CXCL3: variants seen among roughly 807,000 people sequenced by gnomAD.
CXCL3 encodes the protein C-X-C motif chemokine ligand 3, also known as C-X-C motif chemokine 3.
A neutral mutation model predicts 11.5 loss-of-function variants in CXCL3; 10 were observed. The observed-to-expected ratio is 0.87, with a 90% CI of 0.54 to 1.48. CXCL3 has a LOEUF of 1.48. Ranked by LOEUF, CXCL3 falls within the 40% of genes most tolerant of loss-of-function variation. The probability of loss-of-function intolerance (pLI) is 0.00; values close to 1 mark genes in which losing one functional copy is unlikely to be tolerated. For missense variants in CXCL3, 149 were observed against 139.1 expected (o/e 1.07, Z -0.36); for synonymous variants, 61 against 60.9 (o/e 1.00, Z -0.01).
chr4:74,038,242 G>C, intron 2 of CXCL3, 48 bp downstream of exon 2: 1 of 1,613,846 alleles, frequency 6.2e-7, no homozygotes, highest in Non-Finnish European at 8.5e-7. Context: ...GGCAGCGGGA[G>C]AGTCGGGGAC....
Position 74,037,156 on chromosome 4 carries a change from C to T in CXCL3, c.*106G>A. The T allele has an allele frequency of 8.0e-7, 1 of 1,243,838 alleles. No homozygotes were observed. Among genetic ancestry groups the T allele is most frequent in the Non-Finnish European group, 1.2e-6 (1 of 858,436 alleles). The allele number at this position is 1,243,838 out of a possible 1,614,324, so 77.1% of individuals were successfully genotyped here. ...ACACATTAAGTCCTTTCCAGCTGTC[C>T]CTAGAAAGCTGCTGTTCTCTTTTTC... is the stretch of plus-strand genomic sequence containing the variant. On this transcript the variant is annotated 3_prime_UTR_variant, in exon 4 of 4. Transcript: ENST00000296026.
intron 3 of CXCL3, 152 bp downstream of exon 3, chr4:74,037,941 C>A: frequency 1.2e-6 from 1 of 831,768 alleles, no homozygotes; most frequent in Non-Finnish European, 1.9e-6. Context: ...GATTAATAAC[C>A]TTAATGGCAA....
chr4:74,038,280 C>G lies in CXCL3; in HGVS notation c.224+10G>C, dbSNP rs561019043. Reference sequence around the variant, plus strand: ...CAGCGGTGGCAGCGGAAGCGCGGGGCGGGACTTACATGACTTCGGTTTGGG... The same window carrying G: ...CAGCGGTGGCAGCGGAAGCGCGGGGGGGGACTTACATGACTTCGGTTTGGG... On this transcript the variant is annotated intron_variant, in intron 2 of 3. Coordinates refer to ENST00000296026, the MANE Select transcript of CXCL3 (RefSeq NM_002090.3). 5 of 1,613,834 alleles carry G rather than the reference C, an allele frequency of 3.1e-6. No individual in the cohort carries two copies. The highest frequency in any genetic ancestry group is 4.2e-6 in the Non-Finnish European group (5 of 1,179,858).
At chr4:74,037,448 C>CTT (rs3048371) in intron 3 of CXCL3, 171 bp from the exon 4 acceptor site, 203,832 of 313,056 alleles carry the variant, frequency 0.65, 56,707 homozygotes, top group African/African-American at 0.78. Context: ...CTCCTGAATG[C>CTT]TTTTTTTTTT....
chr4:74,037,956 A>T, intron 3 of CXCL3, 137 bp downstream of exon 3: 1 of 930,254 alleles, frequency 1.1e-6, no homozygotes, highest in Non-Finnish European at 1.7e-6. Flanking sequence ...TGGCAACTTT[A>T]ATTGTGAAAA....
intron 2 of CXCL3, 44 bp from the exon 3 acceptor site, chr4:74,038,220 G>A (rs1254696910): frequency 6.2e-7 from 1 of 1,614,088 alleles, no homozygotes; most frequent in South Asian, 1.1e-5. Flanking sequence ...GTCGGGCTGG[G>A]GACAGGGTTG....
In CXCL3 at chr4:74,038,088, C is replaced by T. The variant is rs1198477023; in HGVS notation, c.308+5G>A. ...TCGCCTGTGTATATGGAAATTACAA[C>T]TCACTTGTTCAGTATCTTTTCGATG... is the stretch of plus-strand genomic sequence containing the variant. On this transcript the variant is annotated splice_donor_5th_base_variant and intron_variant, in intron 3 of 3. Coordinates refer to ENST00000296026, the MANE Select transcript of CXCL3 (RefSeq NM_002090.3). 1 of 1,613,978 alleles carries T rather than the reference C, an allele frequency of 6.2e-7. No individual in the cohort carries two copies. Among genetic ancestry groups the T allele is most frequent in the Admixed American group, 1.7e-5 (1 of 59,984 alleles).
rs773884964 is a variant in CXCL3, at chr4:74,038,313, G to A, written c.201C>T (p.Pro67=). 4 of 1,613,976 alleles carry A rather than the reference G, an allele frequency of 2.5e-6. No individual in the cohort carries two copies. In the African/African-American group the frequency reaches 5.3e-5, roughly 22 times the overall value. The change falls in exon 2 of 4, where the codon CCC becomes CCT. Residue 67 remains proline, a synonymous_variant. Coordinates refer to ENST00000296026, the MANE Select transcript of CXCL3 (RefSeq NM_002090.3). ...ACATGACTTCGGTTTGGGCGCAGTG[G>A]GGTCCGGGGGACCTTACATTCACAC... ...IQSVNVRSPG[P]HCAQTEVIAT...
At chr4:74,037,874 G>A (rs1326702138) in intron 3 of CXCL3, 15 of 549,942 alleles carry the variant, frequency 2.7e-5, no homozygotes, top group Non-Finnish European at 1.3e-5. Context: ...CCTCCCAGGG[G>A]TTAGGCCTGG....
chr4:74,038,591 G>A lies in CXCL3; in HGVS notation c.21C>T (p.Ser7=), dbSNP rs1351197426. The A allele has an allele frequency of 6.1e-6, 9 of 1,484,430 alleles. No individual in the cohort carries two copies. The highest frequency in any genetic ancestry group is 2.4e-5 in the Admixed American group (1 of 42,042). The allele number at this position is 1,484,430 out of a possible 1,614,324, so 92.0% of individuals were successfully genotyped here. A position where few individuals can be genotyped will look rare whatever the true frequency, so the allele number is the denominator to read the frequency against. ...GGAGCCGGGGATTGCTGGGGGCGGC[G>A]GAGAGCGTGGCGTGGGCCATGGGGC... MAHATL[S]AAPSNPRLLR... The change falls in exon 1 of 4, where the codon TCC becomes TCT. Residue 7 remains serine (S), a synonymous_variant. Transcript: ENST00000296026.
chr4:74,037,925 A>C (rs948257279), intron 3 of CXCL3, 168 bp downstream of exon 3: 3 of 703,588 alleles, frequency 4.3e-6, no homozygotes, highest in Non-Finnish European at 7.1e-6. Context: ...CTCTGGCACC[A>C]GAGCAGATTA....
At chr4:74,037,584 C>G in intron 3 of CXCL3, 1 of 388,662 alleles carries the variant, frequency 2.6e-6, no homozygotes, top group Non-Finnish European at 4.6e-6. Flanking sequence ...AAGCTGCACA[C>G]AACCCTATGA....
chr4:74,037,463 T>TTTTC (rs1553926134), intron 3 of CXCL3, 186 bp from the exon 4 acceptor site: 2 of 614,596 alleles, frequency 3.3e-6, no homozygotes, highest in Non-Finnish European at 5.6e-6. Flanking sequence ...TTTTTTTTTT[T>TTTTC]CAAGAAAGAA....
intron 3 of CXCL3, 114 bp from the exon 4 acceptor site, chr4:74,037,391 G>A (rs1016899888): frequency 1.6e-6 from 2 of 1,277,132 alleles, no homozygotes; most frequent in Admixed American, 1.7e-5. Flanking sequence ...CCTCCACTCA[G>A]GGAAGGTCTG....
At position 74,037,631 on chromosome 4, in the gene CXCL3, C is replaced by T. The variant is rs573170028; in HGVS notation, c.309-354G>A. ...TTATCTACCCTATTTTGCTAAAGCTCAAAGAGATTAAATAACGTTGACAGG... is the reference window on the plus strand; with the variant it reads ...TTATCTACCCTATTTTGCTAAAGCTTAAAGAGATTAAATAACGTTGACAGG... On this transcript the variant is annotated intron_variant, in intron 3 of 3. Transcript: ENST00000296026. The T allele has an allele frequency of 2.6e-4, 82 of 319,928 alleles. 1 individual carries two copies. Among genetic ancestry groups the T allele is most frequent in the Middle Eastern group, 2.0e-3 (2 of 1,012 alleles). The allele number at this position is 319,928 out of a possible 1,614,324, so 19.8% of individuals were successfully genotyped here.
Position 74,038,284 on chromosome 4 carries a change from A to C in CXCL3, c.224+6T>G. The C allele has an allele frequency of 1.2e-6, 2 of 1,613,904 alleles. No individual in the cohort carries two copies. On this transcript the variant is annotated splice_donor_region_variant and intron_variant, in intron 2 of 3. Coordinates refer to ENST00000296026, the MANE Select transcript of CXCL3 (RefSeq NM_002090.3). ...GGTGGCAGCGGAAGCGCGGGGCGGG[A>C]CTTACATGACTTCGGTTTGGGCGCA...
chr4:74,038,333 T>A lies in CXCL3; in HGVS notation c.181A>T (p.Asn61Tyr). 1 of 1,614,140 alleles carries A rather than the reference T, an allele frequency of 6.2e-7. No individual in the cohort carries two copies. Among genetic ancestry groups the A allele is most frequent in the Non-Finnish European group, 8.5e-7 (1 of 1,180,008 alleles). The change falls in exon 2 of 4, where the codon AAT (asparagine) becomes TAT (tyrosine). Residue 61 changes from asparagine to tyrosine, a missense_variant. Transcript: ENST00000296026. ...CAGTGGGGTCCGGGGGACCTTACAT[T>A]CACACTTTGGATGTTCTTGAGGTGA... ...GIHLKNIQSVNVRSPGPHCAQ... is the reference protein window; with the variant it reads ...GIHLKNIQSVYVRSPGPHCAQ...
intron 3 of CXCL3, 71 bp from the exon 4 acceptor site, chr4:74,037,348 G>A: frequency 6.3e-7 from 1 of 1,591,298 alleles, no homozygotes; most frequent in Non-Finnish European, 8.6e-7. Context: ...GAAGTTGCTT[G>A]GAGGGATGTC....
intron 2 of CXCL3, 45 bp from the exon 3 acceptor site, chr4:74,038,221 G>A (rs1246579318): frequency 6.2e-7 from 1 of 1,613,964 alleles, no homozygotes; most frequent in African/African-American, 1.3e-5. Flanking sequence ...TCGGGCTGGG[G>A]ACAGGGTTGG....
Sources: allele counts gnomAD v4.1 joint callset, GRCh38; gene constraint gnomAD v4.1.1; transcripts MANE v1.5; gene names NCBI Gene and HGNC (gene_info 2026-07-23, HGNC 2026-07-21).